The following NOL10 variants were observed in gnomAD, a reference collection of about 807,000 sequenced individuals.
NOL10 encodes the protein nucleolar protein 10, also known as H_NH0074G24.1.
Under a neutral mutation model 103.5 loss-of-function variants are expected in NOL10, and 58 were observed. The ratio of observed to expected loss-of-function variants is 0.56; its 90% CI spans 0.45 to 0.70. The LOEUF is 0.70. Among genes scored for constraint, NOL10 ranks in the 30% least tolerant of loss-of-function variants. The pLI, the probability that NOL10 is intolerant of heterozygous loss-of-function variation, is 0.00. For synonymous variants in NOL10, 287 were observed against 282.5 expected (o/e 1.02, Z -0.16); for missense variants, 763 against 807.3 (o/e 0.95, Z 0.67).
At chr2:10,665,150 G>C (rs1302692603) in intron 8 of NOL10, among the ~76,000 whole-genome samples, 1 of 152,046 alleles carries the variant, frequency 6.6e-6, no homozygotes, top group Non-Finnish European at 1.5e-5. Context: ...TAATCGAAGG[G>C]AAACCTTTTT....
chr2:10,601,052 A>G, intron 16 of NOL10, 110 bp from the exon 17 acceptor site: 3 of 638,470 alleles, frequency 4.7e-6, no homozygotes, highest in Non-Finnish European at 7.9e-6. Flanking sequence ...AATAGGAGAT[A>G]ACTAATTCTT....
chr2:10,649,311 ATTTTTTTTTTT>A (rs56031158), intron 12 of NOL10, among the ~76,000 whole-genome samples: 13 of 99,064 alleles, frequency 1.3e-4, no homozygotes, highest in Non-Finnish European at 1.3e-4. Flanking sequence ...GTATGTTTGA[ATTTTTTTTTTT>A]TTTTTTTTTT....
intron 2 of NOL10, among the ~76,000 whole-genome samples, chr2:10,682,735 C>T (rs979148646): frequency 1.3e-5 from 2 of 151,888 alleles, no homozygotes; most frequent in African/African-American, 4.8e-5. Flanking sequence ...ATGGCAAAGA[C>T]AAAAATCCAA....
Position 10,603,148 on chromosome 2 carries a change from T to G in NOL10, c.1163A>C (p.His388Pro), listed in dbSNP as rs767519398. The G allele has an allele frequency of 3.1e-6, 5 of 1,610,630 alleles. No individual in the cohort carries two copies. The highest frequency in any genetic ancestry group is 4.2e-6 in the Non-Finnish European group (5 of 1,178,184). ...KKDLENLGLTHLIGSPFLRAY... is the reference protein window; with the variant it reads ...KKDLENLGLTPLIGSPFLRAY... Reference sequence around the variant, plus strand: ...CCGGAGGAAAGGAGATCCAATGAGGTGGGTGAGCCCTGGGAAAGGTCAAAC... The same window carrying G: ...CCGGAGGAAAGGAGATCCAATGAGGGGGGTGAGCCCTGGGAAAGGTCAAAC... The change falls in exon 15 of 21, where the codon CAC (histidine) becomes CCC (proline). Residue 388 changes from histidine to proline, a missense_variant. Physicochemically the swap from His to Pro is moderately conservative, Grantham distance 77. Coordinates refer to ENST00000381685, the MANE Select transcript of NOL10 (RefSeq NM_024894.4).
intron 16 of NOL10, among the ~76,000 whole-genome samples, chr2:10,601,677 G>A (rs1675982980): frequency 6.6e-6 from 1 of 152,160 alleles, no homozygotes; most frequent in African/African-American, 2.4e-5. Context: ...GTTGAGTGTG[G>A]TAGTGTGCGC....
At chr2:10,663,493 AATATC>A (rs1239605094) in intron 8 of NOL10, among the ~76,000 whole-genome samples, 1 of 152,202 alleles carries the variant, frequency 6.6e-6, no homozygotes, top group Non-Finnish European at 1.5e-5. Flanking sequence ...TTAGGGAAGA[AATATC>A]ATAATGCCTG....
intron 13 of NOL10, among the ~76,000 whole-genome samples, chr2:10,623,661 CTAAG>C (rs1190397670): frequency 6.6e-6 from 1 of 152,126 alleles, no homozygotes; most frequent in East Asian, 1.9e-4. Context: ...AAGATGCTCA[CTAAG>C]TGTTTGTGTA....
intron 12 of NOL10, among the ~76,000 whole-genome samples, chr2:10,649,189 C>T (rs1679291236): frequency 6.7e-6 from 1 of 150,108 alleles, no homozygotes; most frequent in Non-Finnish European, 1.5e-5. Flanking sequence ...AAAGAAACCA[C>T]AACAACCACA....
intron 11 of NOL10, among the ~76,000 whole-genome samples, chr2:10,655,177 A>G (rs1280470857): frequency 6.6e-6 from 1 of 151,424 alleles, no homozygotes; most frequent in African/African-American, 2.4e-5. Flanking sequence ...ACTGCACTCC[A>G]GCCTGGGGCG....
At position 10,577,657 on chromosome 2, in the gene NOL10, T is replaced by C. The variant is rs7560546; in HGVS notation, c.1926A>G (p.Gln642=). ...TCACCCTCTTTAACGTGAATGTCAA[T>C]TGTTTGCTGCCAACGGTGGTGTCGG... ...SVSDTTVGSK[Q]LTFTLKRSEQ... is the part of the protein sequence containing the mutation. The change falls in exon 20 of 21, where the codon CAA becomes CAG. Residue 642 remains glutamine (Q), a synonymous_variant. Coordinates refer to ENST00000381685, the MANE Select transcript of NOL10 (RefSeq NM_024894.4). 5.5e-5 allele frequency: 88 copies of C among 1,611,300 alleles called. 1 individual carries two copies. In the East Asian group the frequency reaches 1.7e-3, roughly 31 times the overall value.
chr2:10,607,818 G>C (rs908636146), intron 13 of NOL10, among the ~76,000 whole-genome samples: 185 of 148,996 alleles, frequency 1.2e-3, no homozygotes, highest in African/African-American at 4.3e-3. Flanking sequence ...GGTTGGTCTT[G>C]AACTCCTGAG....
chr2:10,578,146 T>C (rs1572222552), intron 19 of NOL10, among the ~76,000 whole-genome samples: 2 of 152,352 alleles, frequency 1.3e-5, no homozygotes, highest in African/African-American at 4.8e-5. Context: ...AAATTAGGTA[T>C]GTGAGTAATT....
chr2:10,606,722 T>A (rs1031024944), intron 14 of NOL10, among the ~76,000 whole-genome samples: 10 of 152,190 alleles, frequency 6.6e-5, no homozygotes, highest in African/African-American at 2.4e-4. Context: ...AAGTAACTAT[T>A]AAGGTTCTTC....
intron 12 of NOL10, among the ~76,000 whole-genome samples, chr2:10,650,186 T>C (rs979322528): frequency 1.3e-5 from 2 of 152,218 alleles, no homozygotes; most frequent in Non-Finnish European, 2.9e-5. Context: ...TTTTTAGGTC[T>C]TGCTTTGTCA....
At chr2:10,655,591 G>A (rs1270309039) in intron 11 of NOL10, among the ~76,000 whole-genome samples, 1 of 152,182 alleles carries the variant, frequency 6.6e-6, no homozygotes, top group Non-Finnish European at 1.5e-5. Flanking sequence ...GTGGAAAAAG[G>A]TGATGAGAAA....
intron 19 of NOL10, among the ~76,000 whole-genome samples, chr2:10,583,385 T>A (rs1490416701): frequency 2.0e-5 from 3 of 152,230 alleles, no homozygotes; most frequent in Non-Finnish European, 4.4e-5. Flanking sequence ...TGACGCTAAA[T>A]CTCTTTTCAT....
intron 13 of NOL10, among the ~76,000 whole-genome samples, chr2:10,626,806 T>C (rs1215891364): frequency 6.6e-6 from 1 of 152,232 alleles, no homozygotes; most frequent in Non-Finnish European, 1.5e-5. Flanking sequence ...TGTAAGACTA[T>C]TTAAGCAAAA....
intron 13 of NOL10, among the ~76,000 whole-genome samples, chr2:10,615,874 G>A (rs777003488): frequency 1.3e-5 from 2 of 152,154 alleles, no homozygotes; most frequent in Non-Finnish European, 2.9e-5. Context: ...CTGGAGGAGG[G>A]GAACCAAAGC....
At chr2:10,591,342 G>A (rs560123283) in intron 17 of NOL10, among the ~76,000 whole-genome samples, 1 of 152,218 alleles carries the variant, frequency 6.6e-6, no homozygotes, top group South Asian at 2.1e-4. Flanking sequence ...GACAGAAAAA[G>A]GAATCCCAAC....
Sources: gnomAD v4.1 joint callset for allele counts (sites outside exome capture counted in the v4.1 genomes callset) on GRCh38, gnomAD v4.1.1 for gene constraint, MANE v1.5 for transcripts, NCBI Gene and HGNC (gene_info 2026-07-23, HGNC 2026-07-21) for gene names.